The following PACRGL variants were observed in gnomAD, a reference collection of about 807,000 sequenced individuals.
PACRGL encodes the protein parkin coregulated like, also known as PACRG-like protein.
Under a neutral mutation model 34.5 loss-of-function variants are expected in PACRGL, and 38 were observed. The observed-to-expected ratio is 1.10, with a 90% confidence interval of 0.85 to 1.44. The LOEUF is 1.44. Ranked by LOEUF, PACRGL falls within the 40% of genes most tolerant of loss-of-function variation. PACRGL has a pLI of 0.00. For synonymous variants in PACRGL, 128 were observed against 100.1 expected (o/e 1.28, Z -1.66); for missense variants, 305 against 281.4 (o/e 1.08, Z -0.60).
rs1234565959 is a variant in PACRGL, at chr4:20,728,349, GT to G, written c.*1009del. 2.6e-5 allele frequency: 4 copies of G among 151,644 alleles called. No individual in the cohort carries two copies. Among genetic ancestry groups the G allele is most frequent in the Non-Finnish European group, 5.9e-5 (4 of 67,760 alleles). 9.4% of individuals were successfully genotyped at this position (151,644 alleles called of 1,614,324 possible). On this transcript the variant is annotated 3_prime_UTR_variant, in exon 9 of 9. Coordinates refer to ENST00000503585, the MANE Select transcript of PACRGL (RefSeq NM_001258345.3). ...TTCAGCAATTAAAATGTTAAAACTT[GT>G]ACATGCATTCATTGATTTTGTTGTG...
At chr4:20,716,491 C>A (rs10017693) in intron 7 of PACRGL, among the ~76,000 whole-genome samples, 3 of 151,272 alleles carry the variant, frequency 2.0e-5, no homozygotes, top group South Asian at 2.1e-4. Flanking sequence ...AATGGTATCC[C>A]TCCCCCGACA....
downstream of PACRGL, among the ~76,000 whole-genome samples, chr4:20,735,937 A>T (rs1749526583): frequency 6.6e-6 from 1 of 152,188 alleles, no homozygotes; most frequent in African/African-American, 2.4e-5. Context: ...GAAATCCAAA[A>T]GTCTTCTGGG....
chr4:20,748,560 TTATATATATATATATATA>T (rs3075750), intron 8 of PACRGL, among the ~76,000 whole-genome samples: 34 of 64,908 alleles, frequency 5.2e-4, no homozygotes, highest in East Asian at 2.4e-3. Context: ...CTTCCAAATT[TTATATATATATATATATA>T]TATATATATA....
downstream of PACRGL, among the ~76,000 whole-genome samples, chr4:20,736,580 C>CT (rs1365100037): frequency 1.3e-5 from 2 of 151,902 alleles, no homozygotes; most frequent in African/African-American, 2.4e-5. Flanking sequence ...TATATGTTTA[C>CT]TTTTTTCTAA....
intron 3 of PACRGL, among the ~76,000 whole-genome samples, chr4:20,705,923 G>T (rs1296440619): frequency 6.8e-6 from 1 of 147,270 alleles, no homozygotes; most frequent in African/African-American, 2.5e-5. Flanking sequence ...GAAACTTTCA[G>T]ATTTTTCAAC....
At chr4:20,754,038 A>T (rs1191188324), downstream of PACRGL, among the ~76,000 whole-genome samples, 2 of 152,186 alleles carry the variant, frequency 1.3e-5, no homozygotes, top group African/African-American at 4.8e-5. Flanking sequence ...GGCTTTAAAA[A>T]TGTTTAGTGA....
upstream of PACRGL, among the ~76,000 whole-genome samples, chr4:20,697,996 A>T (rs1731312378): frequency 2.0e-5 from 3 of 152,180 alleles, no homozygotes; most frequent in South Asian, 6.2e-4. Context: ...TAGCAGAAAG[A>T]TGTGATCTTC....
At chr4:20,726,539 A>C (rs1745727087) in intron 8 of PACRGL, among the ~76,000 whole-genome samples, 1 of 152,182 alleles carries the variant, frequency 6.6e-6, no homozygotes, top group Admixed American at 6.5e-5. Flanking sequence ...ATCCTTCATG[A>C]AACTAATGAA....
intron 3 of PACRGL, 43 bp downstream of exon 3, chr4:20,704,857 C>T: frequency 2.5e-6 from 4 of 1,592,832 alleles, no homozygotes; most frequent in East Asian, 2.2e-5. Context: ...TTTTTAAAGG[C>T]ATTTCGCACA....
At chr4:20,711,638 T>C (rs1737252114) in intron 5 of PACRGL, among the ~76,000 whole-genome samples, 1 of 152,224 alleles carries the variant, frequency 6.6e-6, no homozygotes, top group Non-Finnish European at 1.5e-5. Context: ...CTGATTATAT[T>C]TCTTCATAGA....
chr4:20,767,005 CTAT>C, the PACRGL span: 1 of 152,258 alleles, frequency 6.6e-6, no homozygotes, highest in East Asian at 1.9e-4. Context: ...ACATATTATG[CTAT>C]TATCCTAGCC....
At chr4:20,754,482 A>G (rs1044565352), downstream of PACRGL, among the ~76,000 whole-genome samples, 1 of 152,222 alleles carries the variant, frequency 6.6e-6, no homozygotes, top group African/African-American at 2.4e-5. Flanking sequence ...TTCGCCTGCC[A>G]TCAGAGATCA....
chr4:20,716,292 A>G, intron 7 of PACRGL: 1 of 599,894 alleles, frequency 1.7e-6, no homozygotes. Flanking sequence ...CCAGTCATGG[A>G]GTTTTCAGTT....
At position 20,730,735 on chromosome 4, in the gene PACRGL, A is replaced by G. The variant is rs774506480; in HGVS notation, c.*3394A>G. The stretch of plus-strand genomic sequence containing the variant: ...AATTGGGGAGCAGAAACCACTGCTC[A>G]GTGGCTGTGTTCAGTTTAGCATATT... On this transcript the variant is annotated 3_prime_UTR_variant, in exon 9 of 9. Transcript: ENST00000503585. Among the ~76,000 whole-genome samples the G allele has an allele frequency of 4.6e-5, 7 of 152,322 alleles. No individual in the cohort carries two copies. The highest frequency in any genetic ancestry group is 8.8e-5 in the Non-Finnish European group (6 of 68,028).
chr4:20,725,177 T>A (rs1018906206), intron 8 of PACRGL, among the ~76,000 whole-genome samples: 15 of 152,188 alleles, frequency 9.9e-5, no homozygotes, highest in African/African-American at 3.6e-4. Flanking sequence ...GTTTTTTTCT[T>A]AAAAGTATTT....
In PACRGL at chr4:20,731,321, G is replaced by A. The variant is rs551090806; in HGVS notation, c.*3980G>A. On this transcript the variant is annotated 3_prime_UTR_variant, in exon 9 of 9. Transcript: ENST00000503585. ...AATCCTGGCCTTAAGTTATCTTCCC[G>A]CCTCAGCCTCCCATAGTGCTGGGAT... 7.6e-5 allele frequency: 66 copies of A among 873,124 alleles called. No individual in the cohort carries two copies. Among genetic ancestry groups the A allele is most frequent in the Non-Finnish European group, 8.7e-5 (63 of 727,454 alleles). The allele number at this position is 873,124 out of a possible 1,614,324, so 54.1% of individuals were successfully genotyped here. A position where few individuals can be genotyped will look rare whatever the true frequency, so the allele number is the denominator to read the frequency against.
At position 20,728,175 on chromosome 4, in the gene PACRGL, A is replaced by T. The variant is rs552052920; in HGVS notation, c.*834A>T. ...TTTTCAGAGTATTCTAGTTTAAAAA[A>T]TTTTTTCTAATTCTGTAAATTCTAT... is the stretch of plus-strand genomic sequence containing the variant. On this transcript the variant is annotated 3_prime_UTR_variant, in exon 9 of 9. Coordinates refer to ENST00000503585, the MANE Select transcript of PACRGL (RefSeq NM_001258345.3). 18 of 152,038 alleles carry T rather than the reference A, an allele frequency of 1.2e-4. No individual in the cohort carries two copies. Among genetic ancestry groups the T allele is most frequent in the African/African-American group, 3.6e-4 (15 of 41,354 alleles). 9.4% of individuals were successfully genotyped at this position (152,038 alleles called of 1,614,324 possible).
At chr4:20,726,242 C>G (rs1024764840) in intron 8 of PACRGL, among the ~76,000 whole-genome samples, 3 of 152,030 alleles carry the variant, frequency 2.0e-5, no homozygotes, top group African/African-American at 7.3e-5. Context: ...AAGGGGAACA[C>G]AGAGCTGTAG....
chr4:20,724,078 C>CT (rs1239045695), intron 7 of PACRGL, among the ~76,000 whole-genome samples: 1 of 152,208 alleles, frequency 6.6e-6, no homozygotes, highest in East Asian at 1.9e-4. Flanking sequence ...TACTGAACCC[C>CT]TGTATACAAC....
Sources: gnomAD v4.1 joint callset for allele counts (sites outside exome capture counted in the v4.1 genomes callset) on GRCh38, gnomAD v4.1.1 for gene constraint, MANE v1.5 for transcripts, NCBI Gene and HGNC (gene_info 2026-07-23, HGNC 2026-07-21) for gene names.